IQGAP1: variants seen among roughly 807,000 people sequenced by gnomAD.
The protein encoded by IQGAP1 is IQ motif containing GTPase activating protein 1.
A neutral mutation model predicts 215.6 loss-of-function variants in IQGAP1; 66 were observed. That is an observed-to-expected ratio of 0.31 (90% CI 0.25 to 0.38). The LOEUF is 0.38. Ranked by LOEUF, IQGAP1 falls within the 10% of genes least tolerant of loss-of-function variation. The pLI, the probability that IQGAP1 is intolerant of heterozygous loss-of-function variation, is 1.00. For synonymous variants in IQGAP1, 772 were observed against 728.7 expected, an observed-to-expected ratio of 1.06 and a Z score of -0.96; for missense variants, 1,712 against 1,997.1, an observed-to-expected ratio of 0.86 and a Z score of 2.72.
chr15:90,399,269 T>C (rs1964772338), intron 2 of IQGAP1, among the ~76,000 whole-genome samples: 1 of 152,174 alleles, frequency 6.6e-6, no homozygotes, highest in Non-Finnish European at 1.5e-5. Context: ...CTTAATTTAC[T>C]ATTTTCAGTG....
Position 90,439,402 on chromosome 15 carries a change from A to G in IQGAP1, c.535+3A>G. On this transcript the variant is annotated splice_donor_region_variant and intron_variant, in intron 6 of 37. Coordinates refer to ENST00000268182, the MANE Select transcript of IQGAP1 (RefSeq NM_003870.4). ...ATATGGAAAGGTTGACTTCACAGGT[A>G]AGGAGTTAGATACTTGGCAGGAAAT... 1 of 1,609,826 alleles carries G rather than the reference A, an allele frequency of 6.2e-7. No individual in the cohort carries two copies. Among genetic ancestry groups the G allele is most frequent in the East Asian group, 2.2e-5 (1 of 44,752 alleles).
intron 9 of IQGAP1, among the ~76,000 whole-genome samples, chr15:90,445,867 C>T (rs1374935063): frequency 6.9e-6 from 1 of 145,264 alleles, no homozygotes. Context: ...TTTTTGGAGA[C>T]AGAGCCCAGG....
chr15:90,441,520 A>G lies in IQGAP1; in HGVS notation c.664A>G (p.Ile222Val). 1 of 1,609,316 alleles carries G rather than the reference A, an allele frequency of 6.2e-7. No homozygotes were observed. Among genetic ancestry groups the G allele is most frequent in the Non-Finnish European group, 8.5e-7 (1 of 1,178,260 alleles). Residue 222 changes from isoleucine (I) to valine (V), a missense_variant, in exon 8 of 38, where the codon ATT becomes GTT. Transcript: ENST00000268182. ...VDEAALHAAV[I>V]AINEAIDRRI... ...TTTTTTTTTAGTACATGCTGCTGTT[A>G]TTGCTATTAATGAAGCTATTGACCG...
At chr15:90,482,309 T>C (rs200989573) in intron 28 of IQGAP1, 28 bp downstream of exon 28, 187 of 1,608,146 alleles carry the variant, frequency 1.2e-4, no homozygotes, top group Non-Finnish European at 1.5e-4. Context: ...GGCAGACTCC[T>C]GCCCTTTGAG....
chr15:90,442,447 G>C (rs930882764), intron 8 of IQGAP1, among the ~76,000 whole-genome samples: 1 of 129,446 alleles, frequency 7.7e-6, no homozygotes, highest in East Asian at 3.5e-4. Flanking sequence ...TCCGTCTCGG[G>C]GGGGAAAAAA....
intron 2 of IQGAP1, among the ~76,000 whole-genome samples, chr15:90,413,146 A>G (rs918311944): frequency 6.6e-6 from 1 of 152,208 alleles, no homozygotes; most frequent in African/African-American, 2.4e-5. Context: ...AAGACAAGAT[A>G]GACAGGTATT....
At chr15:90,483,816 TAAA>T (rs1966090492) in intron 29 of IQGAP1, among the ~76,000 whole-genome samples, 1 of 152,248 alleles carries the variant, frequency 6.6e-6, no homozygotes, top group Non-Finnish European at 1.5e-5. Context: ...GTAGTTAACA[TAAA>T]AATAATGATG....
chr15:90,429,566 C>T (rs1317254268), intron 3 of IQGAP1, 23 bp from the exon 4 acceptor site: 1 of 1,539,542 alleles, frequency 6.5e-7, no homozygotes, highest in Admixed American at 2.1e-5. Flanking sequence ...CCAATAATAC[C>T]TAATTTTCTT....
intron 2 of IQGAP1, among the ~76,000 whole-genome samples, chr15:90,419,310 T>G (rs1965099866): frequency 6.6e-6 from 1 of 152,158 alleles, no homozygotes; most frequent in African/African-American, 2.4e-5. Context: ...GAGATAATAA[T>G]GCATGTAAAG....
chr15:90,486,967 C>G lies in IQGAP1; in HGVS notation c.4038C>G (p.Gly1346=). ...CCAAAACTTCAGGGGAAAGCTCTGG[C>G]AATTTAAATGACCCAAATAAGGAGG... is the stretch of plus-strand genomic sequence containing the variant. ...TIESLIGESS[G]NLNDPNKEAL... Residue 1346 remains glycine (G), a synonymous_variant, in exon 32 of 38, where the codon GGC becomes GGG. Transcript: ENST00000268182. 1.9e-6 allele frequency: 3 copies of G among 1,614,036 alleles called. No homozygotes were observed. The highest frequency in any genetic ancestry group is 1.7e-6 in the Non-Finnish European group (2 of 1,179,976).
Position 90,477,710 on chromosome 15 carries a change from G to C in IQGAP1, c.3150G>C (p.Thr1050=), listed in dbSNP as rs148636125. 6.2e-7 allele frequency: 1 copy of C among 1,613,894 alleles called. No homozygotes were observed. The highest frequency in any genetic ancestry group is 1.7e-5 in the Admixed American group (1 of 59,982). The change falls in exon 26 of 38, where the codon ACG becomes ACC. Residue 1050 remains threonine (T), a synonymous_variant. Transcript: ENST00000268182. ...AAGAGATTGTGACAGGAAATCCTACGGTTATTAAAATGGTTGTAAGTTTCA... is the reference window on the plus strand; with the variant it reads ...AAGAGATTGTGACAGGAAATCCTACCGTTATTAAAATGGTTGTAAGTTTCA... ...QIQEIVTGNP[T]VIKMVVSFNR... is the part of the protein sequence containing the mutation.
chr15:90,449,510 G>A, intron 10 of IQGAP1, 49 bp from the exon 11 acceptor site: 5 of 1,447,020 alleles, frequency 3.5e-6, no homozygotes, highest in Non-Finnish European at 4.8e-6. Flanking sequence ...TTAAGGCCTG[G>A]AGTCATAGGA....
chr15:90,462,464 T>G (rs2087586263), intron 15 of IQGAP1, among the ~76,000 whole-genome samples: 1 of 152,216 alleles, frequency 6.6e-6, no homozygotes, highest in South Asian at 2.1e-4. Flanking sequence ...TGTTGTGTAG[T>G]TGATAAACGT....
intron 37 of IQGAP1, among the ~76,000 whole-genome samples, chr15:90,499,623 A>G (rs981941572): frequency 6.6e-6 from 1 of 152,244 alleles, no homozygotes; most frequent in Non-Finnish European, 1.5e-5. Context: ...CTAGTGACCC[A>G]TAACATGGAT....
At chr15:90,473,147 C>T (rs1965929494) in intron 19 of IQGAP1, 137 bp downstream of exon 19, 1 of 764,482 alleles carries the variant, frequency 1.3e-6, no homozygotes, top group Non-Finnish European at 2.1e-6. Context: ...TTGACAGGTA[C>T]CTCCTCTTTA....
chr15:90,439,935 A>G (rs1231871643), intron 6 of IQGAP1, among the ~76,000 whole-genome samples: 1 of 152,214 alleles, frequency 6.6e-6, no homozygotes, highest in East Asian at 1.9e-4. Flanking sequence ...GTTTAAGGGT[A>G]AGATAGATTC....
chr15:90,392,746 A>ATT (rs1964652639), intron 2 of IQGAP1, among the ~76,000 whole-genome samples: 2 of 91,830 alleles, frequency 2.2e-5, no homozygotes, highest in Admixed American at 1.2e-4. Context: ...GAATGTTTCT[A>ATT]TCTTTTTTTT....
Position 90,440,483 on chromosome 15 carries a change from T to G in IQGAP1, c.536-19T>G, listed in dbSNP as rs1163037944. The stretch of plus-strand genomic sequence containing the variant: ...AGGGTGCTTAGCTTGATTGACTGAT[T>G]ATTAATTCCCTCCTGTAGAAGAAGA... On this transcript the variant is annotated intron_variant, in intron 6 of 37. Transcript: ENST00000268182. 3.3e-6 allele frequency: 5 copies of G among 1,513,040 alleles called. No homozygotes were observed. 93.7% of individuals were successfully genotyped at this position (1,513,040 alleles called of 1,614,324 possible). A position where few individuals can be genotyped will look rare whatever the true frequency, so the allele number is the denominator to read the frequency against.
chr15:90,410,092 T>C (rs932842198), intron 2 of IQGAP1, among the ~76,000 whole-genome samples: 3 of 152,270 alleles, frequency 2.0e-5, no homozygotes, highest in African/African-American at 7.2e-5. Flanking sequence ...TCTCCCATTC[T>C]GTAGGTTGCC....
Sources: gnomAD v4.1 joint callset for allele counts (sites outside exome capture counted in the v4.1 genomes callset) on GRCh38, gnomAD v4.1.1 for gene constraint, MANE v1.5 for transcripts, NCBI Gene and HGNC (gene_info 2026-07-23, HGNC 2026-07-21) for gene names.